The following KIF20A variants were observed in gnomAD, a reference collection of about 807,000 sequenced individuals.
The protein encoded by KIF20A is kinesin family member 20A.
A neutral mutation model predicts 113.0 loss-of-function variants in KIF20A; 66 were observed. The observed-to-expected ratio is 0.58, with a 90% CI of 0.48 to 0.72. The LOEUF (loss-of-function observed/expected upper bound fraction) is 0.72, where lower values mean the gene tolerates loss of function less well. Ranked by LOEUF, KIF20A falls within the 30% of genes least tolerant of loss-of-function variation. The pLI, the probability that KIF20A is intolerant of heterozygous loss-of-function variation, is 0.00. For missense variants in KIF20A, 927 were observed against 1,077.6 expected (o/e 0.86, Z 1.96); for synonymous variants, 376 against 402.3 (o/e 0.93, Z 0.78).
chr5:138,187,532 C>CT lies in KIF20A; in HGVS notation c.*119_*120insT, dbSNP rs1258800353. 8 of 764,378 alleles carry CT rather than the reference C, an allele frequency of 1.0e-5. No homozygotes were observed. The highest frequency in any genetic ancestry group is 3.2e-5 in the Admixed American group (1 of 31,530). The allele number at this position is 764,378 out of a possible 1,614,324, so 47.3% of individuals were successfully genotyped here. A position where few individuals can be genotyped will look rare whatever the true frequency, so the allele number is the denominator to read the frequency against. On this transcript the variant is annotated 3_prime_UTR_variant, in exon 19 of 19. Coordinates refer to ENST00000394894, the MANE Select transcript of KIF20A (RefSeq NM_005733.3). ...GGAATTATATCCAGGATGCAATACT[C>CT]AGACACTAGCTTTTTTCTCACTTTT...
rs1175296533 is a variant in KIF20A, at chr5:138,184,679, G to A, written c.1683+3G>A. 3 of 1,613,552 alleles carry A rather than the reference G, an allele frequency of 1.9e-6. No homozygotes were observed. Among genetic ancestry groups the A allele is most frequent in the Middle Eastern group, 1.6e-4 (1 of 6,062 alleles). ...ACATCTCCATGTATGGCAAAGAGGTGAGAATACAAGAAAGCTTTAGTGTAG... is the reference window on the plus strand; with the variant it reads ...ACATCTCCATGTATGGCAAAGAGGTAAGAATACAAGAAAGCTTTAGTGTAG... On this transcript the variant is annotated splice_donor_region_variant and intron_variant, in intron 13 of 18. Coordinates refer to ENST00000394894, the MANE Select transcript of KIF20A (RefSeq NM_005733.3).
chr5:138,186,580 C>A (rs1444380066), intron 18 of KIF20A, 149 bp downstream of exon 18: 2 of 908,982 alleles, frequency 2.2e-6, no homozygotes, highest in Non-Finnish European at 3.2e-6. Flanking sequence ...AATAACTATT[C>A]TTTGTTAAGC....
rs775677871 is a variant in KIF20A at position 138,182,782 on chromosome 5, T to C, written c.702+9T>C. On this transcript the variant is annotated intron_variant, in intron 6 of 18. Transcript: ENST00000394894. ...ATGGAGGCCTCCAAGAGGTAAAGCATTGGTATCCATGGCAGTGGGGGTAGG... is the reference window on the plus strand; with the variant it reads ...ATGGAGGCCTCCAAGAGGTAAAGCACTGGTATCCATGGCAGTGGGGGTAGG... 1.7e-5 allele frequency: 28 copies of C among 1,613,490 alleles called. No homozygotes were observed. The East Asian group carries it at 5.6e-4, about 32-fold the overall frequency.
Position 138,183,383 on chromosome 5 carries a change from G to C in KIF20A, c.1027+20G>C, listed in dbSNP as rs753159394. On this transcript the variant is annotated intron_variant, in intron 8 of 18. Coordinates refer to ENST00000394894, the MANE Select transcript of KIF20A (RefSeq NM_005733.3). The surrounding 1 kb of genome is among the most constrained non-coding windows in gnomAD (Gnocchi z 5.2). ...TGAAAGGTAAAGGAACATGGGGAAA[G>C]CTGGCATGAACCCTGGAGGGCAACT... 6.2e-7 allele frequency: 1 copy of C among 1,613,894 alleles called. No individual in the cohort carries two copies. The highest frequency in any genetic ancestry group is 8.5e-7 in the Non-Finnish European group (1 of 1,179,822).
At position 138,182,724 on chromosome 5, in the gene KIF20A, G is replaced by A. The variant is rs201497719; in HGVS notation, c.653G>A (p.Arg218Gln). 22 of 1,613,838 alleles carry A rather than the reference G, an allele frequency of 1.4e-5. No homozygotes were observed. The highest frequency in any genetic ancestry group is 1.6e-4 in the Middle Eastern group (1 of 6,082). The part of the protein sequence containing the change: ...EVIWLDSKQI[R>Q]QEEMKKLSLL... ...ATCTGGCTAGACAGCAAGCAGATCC[G>A]ACAGGAGGAAATGAAGAAGCTGTCC... is the stretch of plus-strand genomic sequence containing the variant. Residue 218 changes from arginine (R) to glutamine (Q), a missense_variant, in exon 6 of 19, where the codon CGA becomes CAA. Arg to Gln is a conservative substitution (Grantham distance 43). Transcript: ENST00000394894.
rs1426046306 is a variant in KIF20A, at chr5:138,185,145, A to C, written c.1874A>C (p.Lys625Thr). Residue 625 changes from lysine (K) to threonine (T), a missense_variant, in exon 15 of 19, where the codon AAA becomes ACA. Transcript: ENST00000394894. The part of the protein sequence containing the change: ...KELLEEMYEE[K>T]LNILKESLTS... The stretch of plus-strand genomic sequence containing the variant: ...CTATTGGAGGAAATGTATGAAGAAA[A>C]ACTAAATATCCTCAAGGAGTCACTG... The C allele has an allele frequency of 2.5e-6, 4 of 1,613,958 alleles. No individual in the cohort carries two copies. The highest frequency in any genetic ancestry group is 3.4e-6 in the Non-Finnish European group (4 of 1,179,968).
Position 138,183,495 on chromosome 5 carries a change from T to C in KIF20A, c.1053T>C (p.Asp351=), listed in dbSNP as rs763414223. ...VKDLNWIHVQ[D]AEEAWKLLKV... ...ATCTCAACTGGATTCATGTGCAAGA[T>C]GCTGAGGAGGCCTGGAAGCTCCTAA... The change falls in exon 9 of 19, where the codon GAT becomes GAC. Residue 351 remains aspartate, a synonymous_variant. Transcript: ENST00000394894. The surrounding 1 kb of genome is among the most constrained non-coding windows in gnomAD (Gnocchi z 5.2). 7 of 1,614,136 alleles carry C rather than the reference T, an allele frequency of 4.3e-6. No homozygotes were observed. In the South Asian group the frequency reaches 5.5e-5, roughly 13 times the overall value.
At position 138,185,893 on chromosome 5, in the gene KIF20A, A is replaced by G. The variant is rs1300594576; in HGVS notation, c.2126-68A>G. 2.1e-6 allele frequency: 3 copies of G among 1,409,888 alleles called. No individual in the cohort carries two copies. The African/African-American group carries it at 4.3e-5, about 20-fold the overall frequency. The allele number at this position is 1,409,888 out of a possible 1,614,324, so 87.3% of individuals were successfully genotyped here. A position where few individuals can be genotyped will look rare whatever the true frequency, so the allele number is the denominator to read the frequency against. ...ATTTGCTGCAAGCTACTGTTACCTC[A>G]GTTAAAGAGGTTAGTCCAAGGCTAA... is the stretch of plus-strand genomic sequence containing the variant. On this transcript the variant is annotated intron_variant, in intron 16 of 18. Coordinates refer to ENST00000394894, the MANE Select transcript of KIF20A (RefSeq NM_005733.3).
chr5:138,185,334 TG>T, intron 15 of KIF20A, 137 bp downstream of exon 15: 1 of 834,586 alleles, frequency 1.2e-6, no homozygotes, highest in South Asian at 1.6e-5. Flanking sequence ...CATAGTGCTT[TG>T]GGTTCAATCT....
rs1230423614 is a variant in KIF20A at position 138,187,167 on chromosome 5, T to C, written c.2427T>C (p.Cys809=). The C allele has an allele frequency of 6.2e-7, 1 of 1,614,066 alleles. No individual in the cohort carries two copies. The highest frequency in any genetic ancestry group is 1.7e-5 in the Admixed American group (1 of 60,008). ...TGGACCTTCGGAAGAAGGCAGCATGTATTGCTGAGCAGTATCATACTGTGT... is the reference window on the plus strand; with the variant it reads ...TGGACCTTCGGAAGAAGGCAGCATGCATTGCTGAGCAGTATCATACTGTGT... ...VKLDLRKKAA[C]IAEQYHTVLK... is the part of the protein sequence containing the mutation. The change falls in exon 19 of 19, where the codon TGT becomes TGC. Residue 809 remains cysteine, a synonymous_variant. Coordinates refer to ENST00000394894, the MANE Select transcript of KIF20A (RefSeq NM_005733.3).
rs1754765483 is a variant in KIF20A, at chr5:138,187,448, G to A, written c.*35G>A. 6.4e-7 allele frequency: 1 copy of A among 1,563,962 alleles called. No individual in the cohort carries two copies. Among genetic ancestry groups the A allele is most frequent in the South Asian group, 1.2e-5 (1 of 85,834 alleles). ...GAAAGAGAAGAGCAGTCATGGCCCT[G>A]AGGTGGGTCAGCTACTCTCCTGAAG... On this transcript the variant is annotated 3_prime_UTR_variant, in exon 19 of 19. Transcript: ENST00000394894.
intron 18 of KIF20A, 58 bp from the exon 19 acceptor site, chr5:138,187,038 T>C: frequency 1.1e-5 from 15 of 1,334,936 alleles, no homozygotes; most frequent in Non-Finnish European, 1.4e-5. Flanking sequence ...CTTAGCCCTC[T>C]CGTTTCTCTA....
chr5:138,183,590 A>T lies in KIF20A; in HGVS notation c.1139+9A>T, dbSNP rs769181467. 1.5e-5 allele frequency: 24 copies of T among 1,612,944 alleles called. No homozygotes were observed. In the Admixed American group the frequency reaches 4.0e-4, roughly 27 times the overall value. ...CAGAACTCCAGCCGCAGGTGAGTAGATTGTAAGAATAAACTCTTCACTGTG... is the reference window on the plus strand; with the variant it reads ...CAGAACTCCAGCCGCAGGTGAGTAGTTTGTAAGAATAAACTCTTCACTGTG... On this transcript the variant is annotated intron_variant, in intron 9 of 18. Transcript: ENST00000394894. The surrounding 1 kb of genome is among the most constrained non-coding windows in gnomAD (Gnocchi z 5.2).
intron 2 of KIF20A, 101 bp from the exon 3 acceptor site, chr5:138,181,320 TG>T: frequency 1.2e-6 from 1 of 862,994 alleles, no homozygotes; most frequent in Non-Finnish European, 1.9e-6. Flanking sequence ...TGAGGTGAAA[TG>T]GGGTAGTGTT....
rs779178029 is a variant in KIF20A, at chr5:138,182,975, A to G, written c.817A>G (p.Ser273Gly). The change falls in exon 7 of 19, where the codon AGT becomes GGT. Residue 273 changes from serine to glycine, a missense_variant. Physicochemically the swap from Ser to Gly is moderately conservative, Grantham distance 56. Coordinates refer to ENST00000394894, the MANE Select transcript of KIF20A (RefSeq NM_005733.3). The part of the protein sequence containing the change: ...GLSSISQCTS[S>G]SQLDETSHRW... ...CTCTTCTATCAGTCAGTGTACCAGC[A>G]GTAGCCAGCTGGATGGTATGTACCG... 4.3e-6 allele frequency: 7 copies of G among 1,614,210 alleles called. No individual in the cohort carries two copies. Among genetic ancestry groups the G allele is most frequent in the Middle Eastern group, 1.7e-4 (1 of 6,046 alleles).
At chr5:138,182,273 G>T in intron 4 of KIF20A, 50 bp from the exon 5 acceptor site, 1 of 1,590,036 alleles carries the variant, frequency 6.3e-7, no homozygotes, top group South Asian at 1.2e-5. Context: ...TGCACAGGAG[G>T]CAAGTGGGAG....
At chr5:138,186,486 G>A (rs551722617) in intron 18 of KIF20A, 55 bp downstream of exon 18, 337 of 1,551,638 alleles carry the variant, frequency 2.2e-4, no homozygotes, top group Middle Eastern at 1.9e-3. Flanking sequence ...CAGTGTATAT[G>A]TGAGAAAGGA....
Position 138,181,676 on chromosome 5 carries a change from A to G in KIF20A, c.323A>G (p.Lys108Arg). The part of the protein sequence containing the change: ...LQAPKDSFAL[K>R]SNERGIGQAT... ...GCACCCAAGGACTCTTTTGCCCTGA[A>G]GAGCAATGAACGGGGAATTGGCCAA... The change falls in exon 4 of 19, where the codon AAG becomes AGG. Residue 108 changes from lysine (K) to arginine (R), a missense_variant. Physicochemically the swap from Lys to Arg is conservative, Grantham distance 26 (BLOSUM62 2). Transcript: ENST00000394894. The G allele has an allele frequency of 6.2e-7, 1 of 1,614,222 alleles. No individual in the cohort carries two copies. The highest frequency in any genetic ancestry group is 8.5e-7 in the Non-Finnish European group (1 of 1,180,044).
In KIF20A at chr5:138,181,441, TGGA is replaced by T. The variant is rs1754659571; in HGVS notation, c.187_189del (p.Glu63del). 2 of 1,614,170 alleles carry T rather than the reference TGGA, an allele frequency of 1.2e-6. No homozygotes were observed. The highest frequency in any genetic ancestry group is 1.7e-6 in the Non-Finnish European group (2 of 1,180,014). On this transcript the variant is annotated inframe_deletion, in exon 3 of 19. Transcript: ENST00000394894. Reference sequence around the variant, plus strand: ...CCACAGGTTCCATCTGAGGACAGTATGGAGAAGGTGAAAGTATACTTGAGGGTT... The same window carrying T: ...CCACAGGTTCCATCTGAGGACAGTATGAAGGTGAAAGTATACTTGAGGGTT...
Sources: allele counts gnomAD v4.1 joint callset, GRCh38; gene constraint gnomAD v4.1.1; non-coding constraint Gnocchi (gnomAD v3.1); transcripts MANE v1.5; gene names NCBI Gene and HGNC (gene_info 2026-07-23, HGNC 2026-07-21).